The following AGBL4 variants were observed in gnomAD, a reference collection of about 807,000 sequenced individuals.
AGBL4 encodes the protein cytosolic carboxypeptidase 6.
Under a neutral mutation model 66.4 loss-of-function variants are expected in AGBL4, and 58 were observed. The observed-to-expected ratio is 0.87, with a 90% CI of 0.71 to 1.09. The LOEUF (loss-of-function observed/expected upper bound fraction) is 1.09, where lower values mean the gene tolerates loss of function less well. Ranked by LOEUF, AGBL4 falls within the 50% of genes least tolerant of loss-of-function variation. AGBL4 has a pLI of 0.00. For synonymous variants in AGBL4, 234 were observed against 222.9 expected (o/e 1.05, Z -0.44); for missense variants, 579 against 631.0 (o/e 0.92, Z 0.88).
chr1:49,627,522 C>T (rs115356923), intron 3 of AGBL4, among the ~76,000 whole-genome samples: 171 of 152,170 alleles, frequency 1.1e-3, no homozygotes, highest in African/African-American at 3.9e-3. Flanking sequence ...CATTGGTCAC[C>T]GCCTGGGAAT....
intron 1 of AGBL4, among the ~76,000 whole-genome samples, chr1:49,928,083 G>A (rs1652971910): frequency 6.6e-6 from 1 of 151,914 alleles, no homozygotes; most frequent in Admixed American, 6.6e-5. Flanking sequence ...TATACTGAAT[G>A]GAATGAAGAT....
rs973049287 is a variant in AGBL4, at chr1:49,516,175, G to C, written c.282+181138C>G. ...AGCCCTGATGCTGGGATACAGAAAT[G>C]GATATGACAGTGTCCTTATCTCCAA... On this transcript the variant is annotated intron_variant, in intron 3 of 13. Coordinates refer to ENST00000371839, the MANE Select transcript of AGBL4 (RefSeq NM_032785.4). Among the ~76,000 whole-genome samples the C allele has an allele frequency of 3.3e-5, 5 of 151,854 alleles. 1 individual carries two copies. The highest frequency in any genetic ancestry group is 6.6e-5 in the Admixed American group (1 of 15,234).
intron 3 of AGBL4, among the ~76,000 whole-genome samples, chr1:49,328,987 T>C (rs1219133032): frequency 1.3e-5 from 2 of 152,192 alleles, no homozygotes; most frequent in Non-Finnish European, 2.9e-5. Context: ...AATTGACTTA[T>C]TGTGTCACTC....
At chr1:48,734,687 C>T (rs531954291) in intron 6 of AGBL4, among the ~76,000 whole-genome samples, 22 of 152,328 alleles carry the variant, frequency 1.4e-4, no homozygotes, top group Admixed American at 7.2e-4. Context: ...TATAAAGATG[C>T]TTCTTCCACA....
intron 6 of AGBL4, among the ~76,000 whole-genome samples, chr1:48,852,920 G>A (rs775453680): frequency 1.1e-4 from 17 of 152,070 alleles, no homozygotes; most frequent in South Asian, 2.1e-4. Flanking sequence ...TCATTTTGGC[G>A]CTGGCCTCCA....
chr1:49,329,766 T>G (rs910434744), intron 3 of AGBL4, among the ~76,000 whole-genome samples: 8 of 152,140 alleles, frequency 5.3e-5, no homozygotes, highest in African/African-American at 1.9e-4. Context: ...GGCCCATTAA[T>G]GCTAGTTATG....
chr1:49,985,386 A>T (rs530525525), intron 1 of AGBL4, among the ~76,000 whole-genome samples: 3 of 152,354 alleles, frequency 2.0e-5, no homozygotes, highest in Admixed American at 1.3e-4. Context: ...AAACATATTT[A>T]GAAGGTAATT....
intron 3 of AGBL4, among the ~76,000 whole-genome samples, chr1:49,532,627 C>T (rs1216240819): frequency 6.6e-6 from 1 of 152,056 alleles, no homozygotes; most frequent in Admixed American, 6.6e-5. Flanking sequence ...GTGCTTTCAC[C>T]TTTAATTACA....
chr1:49,068,232 T>G (rs1485858651), intron 4 of AGBL4, among the ~76,000 whole-genome samples: 1 of 152,028 alleles, frequency 6.6e-6, no homozygotes, highest in South Asian at 2.1e-4. Flanking sequence ...ATAACCCTTT[T>G]TCTCTTTTCT....
At chr1:48,862,336 A>AT (rs1558047487) in intron 6 of AGBL4, among the ~76,000 whole-genome samples, 1 of 152,064 alleles carries the variant, frequency 6.6e-6, no homozygotes, top group African/African-American at 2.4e-5. Context: ...CACTTTAAAA[A>AT]ATTTTTTATA....
chr1:49,958,707 G>T (rs187644967), intron 1 of AGBL4, among the ~76,000 whole-genome samples: 4 of 130,516 alleles, frequency 3.1e-5, no homozygotes, highest in Non-Finnish European at 3.2e-5. Flanking sequence ...GGTTGGGGAG[G>T]GGGGAGGGAT....
intron 4 of AGBL4, among the ~76,000 whole-genome samples, chr1:49,191,350 C>T (rs994218780): frequency 5.9e-5 from 9 of 152,222 alleles, no homozygotes; most frequent in African/African-American, 2.2e-4. Flanking sequence ...TGCAGGAAAG[C>T]TTCATTATGA....
At chr1:48,999,061 T>C (rs1661212779) in intron 5 of AGBL4, among the ~76,000 whole-genome samples, 1 of 152,212 alleles carries the variant, frequency 6.6e-6, no homozygotes, top group South Asian at 2.1e-4. Context: ...GTATGAGAGA[T>C]GTCTTTCAAG....
intron 3 of AGBL4, among the ~76,000 whole-genome samples, chr1:49,283,557 G>A (rs553118407): frequency 3.3e-5 from 5 of 152,290 alleles, no homozygotes; most frequent in East Asian, 1.9e-4. Flanking sequence ...GGCTTCAGAC[G>A]ATCAAATTAC....
At position 48,741,796 on chromosome 1, in the gene AGBL4, C is replaced by T. The variant is rs529669620; in HGVS notation, c.635-78555G>A. Among the ~76,000 whole-genome samples, 7 of 152,270 alleles carry T rather than the reference C, an allele frequency of 4.6e-5. No homozygotes were observed. The South Asian group carries it at 6.2e-4, about 14-fold the overall frequency. On this transcript the variant is annotated intron_variant, in intron 6 of 13. Coordinates refer to ENST00000371839, the MANE Select transcript of AGBL4 (RefSeq NM_032785.4). The stretch of plus-strand genomic sequence containing the variant: ...ATGACGCGTTAAGGAGAACGAGAGG[C>T]GATGTCTGTAATGCATGCCACAGTG...
intron 4 of AGBL4, among the ~76,000 whole-genome samples, chr1:49,197,864 G>A (rs1257405895): frequency 2.0e-5 from 3 of 152,124 alleles, no homozygotes; most frequent in Non-Finnish European, 4.4e-5. Context: ...TTCTGGCTGT[G>A]GGAGCCCCTC....
chr1:49,854,183 GC>G (rs71059562), intron 1 of AGBL4, among the ~76,000 whole-genome samples: 151,748 of 151,750 alleles, frequency 1, 75,873 homozygotes, highest in Middle Eastern at 1. Flanking sequence ...CCTGACACTT[GC>G]CCTCATTCAC....
At chr1:49,155,449 T>G (rs910079415) in intron 4 of AGBL4, among the ~76,000 whole-genome samples, 15 of 152,150 alleles carry the variant, frequency 9.9e-5, no homozygotes, top group African/African-American at 3.4e-4. Context: ...TCCTTTGAGA[T>G]AGGGGCTATT....
intron 2 of AGBL4, among the ~76,000 whole-genome samples, chr1:49,755,911 G>A (rs1282846005): frequency 6.6e-6 from 1 of 152,120 alleles, no homozygotes; most frequent in Non-Finnish European, 1.5e-5. Flanking sequence ...CAATGGCTCA[G>A]TTAGAATATG....
Sources: gnomAD v4.1 joint callset for allele counts (sites outside exome capture counted in the v4.1 genomes callset) on GRCh38, gnomAD v4.1.1 for gene constraint, MANE v1.5 for transcripts, NCBI Gene and HGNC (gene_info 2026-07-23, HGNC 2026-07-21) for gene names.